The following PCDH11X variants were observed in gnomAD, a reference collection of about 807,000 sequenced individuals.
PCDH11X encodes protocadherin-11 X-linked.
PCDH11X carries 18 observed loss-of-function variants against 53.3 expected under a neutral mutation model. The ratio of observed to expected loss-of-function variants is 0.34; its 90% CI spans 0.23 to 0.50. The LOEUF is 0.50. Ranked by LOEUF, PCDH11X falls within the 20% of genes least tolerant of loss-of-function variation. The probability of loss-of-function intolerance (pLI) is 0.98; values close to 1 mark genes in which losing one functional copy is unlikely to be tolerated. For synonymous variants in PCDH11X, 279 were observed against 393.3 expected (o/e 0.71, Z 3.44); for missense variants, 570 against 1,032.4 (o/e 0.55, Z 6.14).
rs777933959 is a variant in PCDH11X, at chrX:92,472,872, C to T, written c.3367+4550C>T. 1.4e-4 allele frequency among the ~76,000 whole-genome samples: 16 copies of T among 110,407 alleles called. No individual in the cohort carries two copies. In the South Asian group the frequency reaches 5.8e-3, roughly 40 times the overall value. On this transcript the variant is annotated intron_variant, in intron 10 of 10. Transcript: ENST00000682573. ...TAGCTGTATTCCAAGGTATTTTATT[C>T]TTTTTGTGGCAAATGTGAATAGGCA...
chrX:91,912,671 G>A (rs1189595371), intron 6 of PCDH11X, among the ~76,000 whole-genome samples: 1 of 110,213 alleles, frequency 9.1e-6, no homozygotes, highest in African/African-American at 3.3e-5. Flanking sequence ...ATCGAAGTGG[G>A]GGGGAAATGG....
chrX:92,277,999 A>G (rs1278614141), intron 8 of PCDH11X, among the ~76,000 whole-genome samples: 2 of 111,701 alleles, frequency 1.8e-5, no homozygotes, highest in Non-Finnish European at 3.8e-5. Context: ...CGTCCCTGCA[A>G]TGATTAAACA....
At position 92,389,353 on chromosome X, in the gene PCDH11X, C is replaced by T. The variant is rs756130433; in HGVS notation, c.3343+1420C>T. On this transcript the variant is annotated intron_variant, in intron 9 of 10. Coordinates refer to ENST00000682573, the MANE Select transcript of PCDH11X (RefSeq NM_032968.5). ...AGAATATGATCATAAGTAACAAATA[C>T]ACATTAAGCAAGGGTGCCACTGATC... Among the ~76,000 whole-genome samples the T allele has an allele frequency of 5.4e-5, 6 of 111,613 alleles. No homozygotes were observed. In the South Asian group the frequency reaches 2.2e-3, roughly 41 times the overall value.
chrX:92,475,242 T>G (rs1289371612), intron 10 of PCDH11X, among the ~76,000 whole-genome samples: 2 of 109,579 alleles, frequency 1.8e-5, no homozygotes, highest in Non-Finnish European at 3.8e-5. Flanking sequence ...CTGTATTTTT[T>G]GTGTATTTAC....
chrX:92,082,168 G>A (rs2063868121), intron 6 of PCDH11X, among the ~76,000 whole-genome samples: 1 of 110,132 alleles, frequency 9.1e-6, no homozygotes, highest in Non-Finnish European at 1.9e-5. Flanking sequence ...TAAGGAGTTG[G>A]GATGTAGAGA....
At chrX:92,136,187 C>T (rs755264367) in intron 6 of PCDH11X, among the ~76,000 whole-genome samples, 28 of 110,806 alleles carry the variant, frequency 2.5e-4, no homozygotes, top group Admixed American at 2.4e-3. Context: ...TTGTAGGTGA[C>T]TTCTGAGCAA....
chrX:92,600,159 G>A (rs1298002442), intron 10 of PCDH11X, among the ~76,000 whole-genome samples: 1 of 104,845 alleles, frequency 9.5e-6, no homozygotes, highest in Non-Finnish European at 1.9e-5. Context: ...TGATGTAATA[G>A]AAAAGAAAAA....
At chrX:92,140,353 T>G (rs2065158685) in intron 6 of PCDH11X, among the ~76,000 whole-genome samples, 1 of 111,694 alleles carries the variant, frequency 9.0e-6, no homozygotes, top group South Asian at 3.7e-4. Flanking sequence ...CTTCAAAAAC[T>G]TTTAATATTT....
At chrX:92,607,892 T>C (rs1179790802) in intron 10 of PCDH11X, among the ~76,000 whole-genome samples, 1 of 111,359 alleles carries the variant, frequency 9.0e-6, no homozygotes, top group South Asian at 3.7e-4. Flanking sequence ...AAAACTATAT[T>C]CCCAACTATT....
intron 6 of PCDH11X, among the ~76,000 whole-genome samples, chrX:92,135,097 A>T (rs2065062268): frequency 9.1e-6 from 1 of 110,297 alleles, no homozygotes; most frequent in Admixed American, 9.8e-5. Flanking sequence ...TGGAAATAAA[A>T]ATAAGGTCCT....
At chrX:92,480,659 G>A (rs1362702807) in intron 10 of PCDH11X, among the ~76,000 whole-genome samples, 1 of 110,699 alleles carries the variant, frequency 9.0e-6, no homozygotes, top group African/African-American at 3.3e-5. Flanking sequence ...CTGTAACTCT[G>A]GGAGACTGGT....
chrX:92,438,245 T>C (rs756331658), intron 9 of PCDH11X, among the ~76,000 whole-genome samples: 1 of 111,934 alleles, frequency 8.9e-6, no homozygotes, highest in East Asian at 2.8e-4. Flanking sequence ...AAAAATTGCA[T>C]GTATATTGCA....
chrX:92,049,613 G>T (rs1366982582), intron 6 of PCDH11X, among the ~76,000 whole-genome samples: 1 of 111,223 alleles, frequency 9.0e-6, no homozygotes. Context: ...GAAAAAAATA[G>T]TATCTGTAGA....
intron 6 of PCDH11X, among the ~76,000 whole-genome samples, chrX:92,101,641 A>G (rs1477299092): frequency 1.8e-5 from 2 of 110,432 alleles, no homozygotes; most frequent in Non-Finnish European, 3.8e-5. Flanking sequence ...GGAAGAAATG[A>G]CTGCGGAGGC....
intron 9 of PCDH11X, among the ~76,000 whole-genome samples, chrX:92,400,207 G>A (rs1359331668): frequency 1.8e-5 from 2 of 111,487 alleles, no homozygotes; most frequent in Non-Finnish European, 3.8e-5. Flanking sequence ...AGGGCAGATA[G>A]GGCATTAGCA....
intron 1 of PCDH11X, among the ~76,000 whole-genome samples, chrX:91,794,914 A>G (rs943941909): frequency 3.6e-5 from 4 of 109,992 alleles, no homozygotes; most frequent in Non-Finnish European, 7.6e-5. Context: ...AATGGGTCTC[A>G]TGATATCTGA....
At chrX:92,189,766 G>A (rs973280886) in intron 6 of PCDH11X, among the ~76,000 whole-genome samples, 2 of 111,736 alleles carry the variant, frequency 1.8e-5, no homozygotes, top group African/African-American at 3.3e-5. Context: ...TGTAACTGGC[G>A]TGACATGGTA....
rs1309069535 is a variant in PCDH11X at position 92,084,119 on chromosome X, C to T, written c.3034-117256C>T. Among the ~76,000 whole-genome samples, 3 of 108,687 alleles carry T rather than the reference C, an allele frequency of 2.8e-5. No homozygotes were observed. In the Admixed American group the frequency reaches 2.9e-4, roughly 11 times the overall value. 94.4% of individuals were successfully genotyped at this position (108,687 alleles called of 115,157 possible). ...CAACAACAACAACAACAACAACAAA[C>T]AAAAAAGGATCTTAGAGAGGATGGG... On this transcript the variant is annotated intron_variant, in intron 6 of 10. Coordinates refer to ENST00000682573, the MANE Select transcript of PCDH11X (RefSeq NM_032968.5).
Position 92,149,853 on chromosome X carries a change from A to AT in PCDH11X, c.3034-51514dup, listed in dbSNP as rs1449006483. Among the ~76,000 whole-genome samples, 4 of 110,886 alleles carry AT rather than the reference A, an allele frequency of 3.6e-5. No homozygotes were observed. In the East Asian group the frequency reaches 8.6e-4, roughly 24 times the overall value. ...TATCAATGGAATCACACAATATGTGATTTTTTTTGGTACGTGGCTTCTTTT... is the reference window on the plus strand; with the variant it reads ...TATCAATGGAATCACACAATATGTGATTTTTTTTTGGTACGTGGCTTCTTTT... On this transcript the variant is annotated intron_variant, in intron 6 of 10. Transcript: ENST00000682573.
Sources: allele counts gnomAD v4.1 joint callset (sites outside exome capture counted in the v4.1 genomes callset), GRCh38; gene constraint gnomAD v4.1.1; transcripts MANE v1.5; gene names NCBI Gene and HGNC (gene_info 2026-07-23, HGNC 2026-07-21).